Variants in SNX29 observed in about 807,000 individuals in gnomAD.
The protein encoded by SNX29 is sorting nexin-29.
SNX29 carries 78 observed loss-of-function variants against 102.1 expected under a neutral mutation model. The ratio of observed to expected loss-of-function variants is 0.76; its 90% CI spans 0.64 to 0.92. The LOEUF (loss-of-function observed/expected upper bound fraction) is 0.92, where lower values mean the gene tolerates loss of function less well. Ranked by LOEUF, SNX29 falls within the 40% of genes least tolerant of loss-of-function variation. The pLI, the probability that SNX29 is intolerant of heterozygous loss-of-function variation, is 0.00. For missense variants in SNX29, 1,280 were observed against 1,061.7 expected, an observed-to-expected ratio of 1.21 and a Z score of -2.86; for synonymous variants, 580 against 414.5, an observed-to-expected ratio of 1.40 and a Z score of -4.85.
intron 14 of SNX29, among the ~76,000 whole-genome samples, chr16:12,240,485 A>T: frequency 6.6e-6 from 1 of 150,622 alleles, no homozygotes. Context: ...TATTGAGTCT[A>T]TAACGATCTT....
chr16:12,236,599 C>T (rs1247220960), intron 14 of SNX29, among the ~76,000 whole-genome samples: 2 of 152,186 alleles, frequency 1.3e-5, no homozygotes, highest in African/African-American at 4.8e-5. Context: ...GCTATTCTTC[C>T]TCCTGTCATG....
At chr16:12,110,687 A>G (rs2053467671) in intron 11 of SNX29, among the ~76,000 whole-genome samples, 1 of 152,132 alleles carries the variant, frequency 6.6e-6, no homozygotes, top group Admixed American at 6.5e-5. Context: ...ATGCCTTGGT[A>G]TCTAAACCAA....
chr16:12,545,195 A>G (rs1297684916), intron 20 of SNX29, among the ~76,000 whole-genome samples: 1 of 152,190 alleles, frequency 6.6e-6, no homozygotes, highest in Non-Finnish European at 1.5e-5. Flanking sequence ...GGTCAATACA[A>G]AAAAGGAAGG....
chr16:12,456,550 GATGTATACCTGGTGGGGC>G (rs1164304994), intron 18 of SNX29, among the ~76,000 whole-genome samples: 1 of 151,944 alleles, frequency 6.6e-6, no homozygotes, highest in Non-Finnish European at 1.5e-5. Context: ...TGGCGAAAGT[GATGTATACCTGGTGGGGC>G]AGTGTGTGAG....
chr16:12,253,642 G>A (rs995108165), intron 14 of SNX29, among the ~76,000 whole-genome samples: 1 of 152,190 alleles, frequency 6.6e-6, no homozygotes, highest in Non-Finnish European at 1.5e-5. Context: ...CAAGGAGGCA[G>A]CAAGGCAGAG....
rs543434054 is a variant in SNX29, at chr16:12,534,674, G to A, written c.2318+9833G>A. Among the ~76,000 whole-genome samples the A allele has an allele frequency of 2.8e-3, 431 of 152,292 alleles. 3 individuals are homozygous for A. The highest frequency in any genetic ancestry group is 4.1e-3 in the Non-Finnish European group (278 of 68,020). On this transcript the variant is annotated intron_variant, in intron 20 of 20. Coordinates refer to ENST00000566228, the MANE Select transcript of SNX29 (RefSeq NM_032167.5). ...GGAGTTCCCTGCAGACGGGCTGTCG[G>A]AGGATCTTTGATTCTGCTTTTCTTG... is the stretch of plus-strand genomic sequence containing the variant.
chr16:12,254,138 T>C (rs2078500546), intron 14 of SNX29, among the ~76,000 whole-genome samples: 1 of 151,822 alleles, frequency 6.6e-6, no homozygotes, highest in Admixed American at 6.6e-5. Flanking sequence ...GCATGTTGAG[T>C]GTGAGCTATC....
chr16:12,244,499 C>G (rs1225225338), intron 14 of SNX29, among the ~76,000 whole-genome samples: 1 of 152,014 alleles, frequency 6.6e-6, no homozygotes, highest in Non-Finnish European at 1.5e-5. Context: ...ATCCCAGCTG[C>G]TCTGGAGGCT....
Position 12,143,784 on chromosome 16 carries a change from TAAAG to T in SNX29, c.1595+14029_1595+14032del, listed in dbSNP as rs2054952260. On this transcript the variant is annotated intron_variant, in intron 13 of 20. Coordinates refer to ENST00000566228, the MANE Select transcript of SNX29 (RefSeq NM_032167.5). Reference sequence around the variant, plus strand: ...TGCTCAGATGTAACTAGCTTCCTAATAAAGAATTCTCTGGGTTGAAGAGCGAAAT... The same window carrying T: ...TGCTCAGATGTAACTAGCTTCCTAATAATTCTCTGGGTTGAAGAGCGAAAT... Among the ~76,000 whole-genome samples the T allele has an allele frequency of 2.0e-5, 3 of 152,178 alleles. No homozygotes were observed. The South Asian group carries it at 6.2e-4, about 31-fold the overall frequency.
intron 16 of SNX29, among the ~76,000 whole-genome samples, chr16:12,370,798 G>A (rs1468955201): frequency 6.6e-6 from 1 of 152,230 alleles, no homozygotes; most frequent in Non-Finnish European, 1.5e-5. Flanking sequence ...AGAGCAGTTT[G>A]TGCCTAGATT....
At chr16:12,499,622 A>T (rs116842571) in intron 19 of SNX29, among the ~76,000 whole-genome samples, 3,317 of 152,294 alleles carry the variant, frequency 0.022, 78 homozygotes, top group East Asian at 0.1. Context: ...ACCACACCCC[A>T]GACCCGGTGA....
intron 20 of SNX29, among the ~76,000 whole-genome samples, chr16:12,545,234 CCT>C (rs985330666): frequency 6.6e-6 from 1 of 152,158 alleles, no homozygotes; most frequent in Non-Finnish European, 1.5e-5. Context: ...AGGGAAAGGG[CCT>C]CTGTTCTCAA....
chr16:12,080,406 G>A (rs1027941855), intron 11 of SNX29, among the ~76,000 whole-genome samples: 1 of 152,186 alleles, frequency 6.6e-6, no homozygotes, highest in Non-Finnish European at 1.5e-5. Context: ...CCTGAACTCC[G>A]CTGAGCAGGT....
intron 16 of SNX29, among the ~76,000 whole-genome samples, chr16:12,361,694 T>G: frequency 6.6e-6 from 1 of 152,236 alleles, no homozygotes; most frequent in East Asian, 1.9e-4. Flanking sequence ...ATTTTTTTCT[T>G]AAACTTTTTT....
chr16:12,320,974 C>G (rs982791296), intron 15 of SNX29, among the ~76,000 whole-genome samples: 3 of 152,136 alleles, frequency 2.0e-5, no homozygotes, highest in Non-Finnish European at 4.4e-5. Context: ...CGTTATCTGT[C>G]CATAGAGCAA....
chr16:12,273,328 GT>G (rs139719482), intron 14 of SNX29, among the ~76,000 whole-genome samples: 31 of 91,696 alleles, frequency 3.4e-4, no homozygotes, highest in African/African-American at 1.4e-3. Flanking sequence ...TTTAGTGGTG[GT>G]TTTTTGTTTT....
chr16:12,056,826 T>C (rs2151242991), intron 8 of SNX29, among the ~76,000 whole-genome samples: 1 of 152,274 alleles, frequency 6.6e-6, no homozygotes, highest in African/African-American at 2.4e-5. Context: ...TTGTTTTGTT[T>C]CTTTGTTTGT....
chr16:12,120,987 C>T (rs2053948689), intron 11 of SNX29, among the ~76,000 whole-genome samples: 1 of 152,236 alleles, frequency 6.6e-6, no homozygotes, highest in Non-Finnish European at 1.5e-5. Context: ...GTTGACGTTT[C>T]TGTCCAGCTC....
At chr16:12,068,253 G>C (rs1008253365) in intron 9 of SNX29, among the ~76,000 whole-genome samples, 1 of 152,028 alleles carries the variant, frequency 6.6e-6, no homozygotes, top group African/African-American at 2.4e-5. Context: ...AGGGCGGAAG[G>C]ATTGCTTGAG....
Sources: allele counts gnomAD v4.1 joint callset (sites outside exome capture counted in the v4.1 genomes callset), GRCh38; gene constraint gnomAD v4.1.1; transcripts MANE v1.5; gene names NCBI Gene and HGNC (gene_info 2026-07-23, HGNC 2026-07-21).